TNFSF4: variants seen among roughly 807,000 people sequenced by gnomAD.
The protein encoded by TNFSF4 is TNF superfamily member 4, also known as tumor necrosis factor ligand superfamily member 4.
Under a neutral mutation model 7.3 loss-of-function variants are expected in TNFSF4, and 4 were observed. The ratio of observed to expected loss-of-function variants is 0.55; its 90% CI spans 0.27 to 1.25. The LOEUF is 1.25. Ranked by LOEUF, TNFSF4 falls within the 50% of genes most tolerant of loss-of-function variation. The pLI is 0.12. For missense variants in TNFSF4, 181 were observed against 208.8 expected, an observed-to-expected ratio of 0.87 and a Z score of 0.82; for synonymous variants, 76 against 83.7, an observed-to-expected ratio of 0.91 and a Z score of 0.50.
the TNFSF4 span, among the ~76,000 whole-genome samples, chr1:173,254,592 G>A: frequency 1.3e-5 from 2 of 152,114 alleles, no homozygotes; most frequent in African/African-American, 2.4e-5. Context: ...CTTAGTAAAA[G>A]TTCAGTCTAA....
At chr1:173,414,299 G>A in the TNFSF4 span, among the ~76,000 whole-genome samples, 3 of 152,082 alleles carry the variant, frequency 2.0e-5, no homozygotes, top group Admixed American at 1.3e-4. Context: ...CCTTTCCTCT[G>A]TGTGTGCACA....
chr1:173,413,684 A>C, the TNFSF4 span, among the ~76,000 whole-genome samples: 1 of 152,156 alleles, frequency 6.6e-6, no homozygotes, highest in Non-Finnish European at 1.5e-5. Context: ...GCCCCATTCT[A>C]AGGTGTGACG....
the TNFSF4 span, among the ~76,000 whole-genome samples, chr1:173,302,428 A>T: frequency 6.6e-6 from 1 of 151,930 alleles, no homozygotes; most frequent in African/African-American, 2.4e-5. Context: ...GTAAACCAGC[A>T]TATGTGAAAG....
At chr1:173,310,651 A>G in the TNFSF4 span, among the ~76,000 whole-genome samples, 4 of 151,346 alleles carry the variant, frequency 2.6e-5, no homozygotes, top group South Asian at 8.3e-4. Context: ...CAAATTTTCT[A>G]TAATTTTATT....
At chr1:173,432,342 A>C in the TNFSF4 span, among the ~76,000 whole-genome samples, 1 of 152,200 alleles carries the variant, frequency 6.6e-6, no homozygotes, top group Non-Finnish European at 1.5e-5. Flanking sequence ...CCTAATCCCC[A>C]ATGTATTTGT....
chr1:173,399,320 A>G, the TNFSF4 span, among the ~76,000 whole-genome samples: 2 of 152,242 alleles, frequency 1.3e-5, no homozygotes, highest in East Asian at 1.9e-4. Flanking sequence ...ATGATTCTGC[A>G]TAATACACAG....
chr1:173,242,196 C>A, the TNFSF4 span, among the ~76,000 whole-genome samples: 21 of 152,104 alleles, frequency 1.4e-4, no homozygotes, highest in East Asian at 3.7e-3. Flanking sequence ...AGTATTTTCC[C>A]GAGGATAAAG....
chr1:173,226,219 C>A, the TNFSF4 span, among the ~76,000 whole-genome samples: 1 of 152,074 alleles, frequency 6.6e-6, no homozygotes. Context: ...CCATTCTCCC[C>A]TTATTCTTAG....
At chr1:173,411,201 A>T in the TNFSF4 span, among the ~76,000 whole-genome samples, 5 of 152,130 alleles carry the variant, frequency 3.3e-5, no homozygotes, top group African/African-American at 9.7e-5. Context: ...CTTCAGCCTG[A>T]GGCAGAGCAG....
At chr1:173,356,158 G>A in the TNFSF4 span, among the ~76,000 whole-genome samples, 4 of 152,220 alleles carry the variant, frequency 2.6e-5, no homozygotes, top group African/African-American at 9.6e-5. Flanking sequence ...TAATGTGGGG[G>A]AGGGATGCTC....
chr1:173,219,278 C>A, the TNFSF4 span, among the ~76,000 whole-genome samples: 11 of 152,106 alleles, frequency 7.2e-5, no homozygotes, highest in Non-Finnish European at 1.5e-4. Flanking sequence ...GGGTGGTTAT[C>A]TCGAGGTTTT....
At chr1:173,267,579 G>C in the TNFSF4 span, among the ~76,000 whole-genome samples, 3 of 152,064 alleles carry the variant, frequency 2.0e-5, no homozygotes, top group South Asian at 6.2e-4. Context: ...AAACTCAGTG[G>C]TTTAAAACAA....
chr1:173,240,440 A>T, the TNFSF4 span, among the ~76,000 whole-genome samples: 1 of 152,252 alleles, frequency 6.6e-6, no homozygotes, highest in African/African-American at 2.4e-5. Flanking sequence ...AAAAGCAATT[A>T]AATCTAAGTG....
chr1:173,194,880 C>CAA (rs11406483), intron 1 of TNFSF4, among the ~76,000 whole-genome samples: 249 of 74,208 alleles, frequency 3.4e-3, no homozygotes, highest in Middle Eastern at 6.9e-3. Flanking sequence ...GAACTTGTCT[C>CAA]AAAAAAAAAA....
intron 1 of TNFSF4, among the ~76,000 whole-genome samples, chr1:173,190,662 A>G (rs1345212515): frequency 6.6e-6 from 1 of 152,226 alleles, no homozygotes; most frequent in Admixed American, 6.5e-5. Context: ...CTCTGGAAGA[A>G]AACCTGTCAG....
the TNFSF4 span, among the ~76,000 whole-genome samples, chr1:173,277,900 T>C: frequency 2.6e-5 from 4 of 152,106 alleles, no homozygotes; most frequent in African/African-American, 9.7e-5. Context: ...TACAGAAATG[T>C]TCCTGGCAGA....
the TNFSF4 span, among the ~76,000 whole-genome samples, chr1:173,345,042 G>A: frequency 6.6e-6 from 1 of 152,192 alleles, no homozygotes; most frequent in African/African-American, 2.4e-5. Context: ...ATCTGCCACA[G>A]GAGAATTTGG....
At chr1:173,353,615 G>A in the TNFSF4 span, among the ~76,000 whole-genome samples, 9 of 152,154 alleles carry the variant, frequency 5.9e-5, no homozygotes, top group African/African-American at 2.2e-4. Flanking sequence ...TGTGGTTACT[G>A]AAAAATGTGT....
the TNFSF4 span, among the ~76,000 whole-genome samples, chr1:173,173,489 TATTA>T: frequency 6.6e-6 from 1 of 152,186 alleles, no homozygotes; most frequent in Non-Finnish European, 1.5e-5. Flanking sequence ...TAGGGCAAAT[TATTA>T]ATTATTAATA....
Sources: gnomAD v4.1 joint callset for allele counts (sites outside exome capture counted in the v4.1 genomes callset) on GRCh38, gnomAD v4.1.1 for gene constraint, MANE v1.5 for transcripts, NCBI Gene and HGNC (gene_info 2026-07-23, HGNC 2026-07-21) for gene names.